The following FBXL19 variants were observed in gnomAD, a reference collection of about 807,000 sequenced individuals.
FBXL19 encodes the protein F-box/LRR-repeat protein 19.
A neutral mutation model predicts 71.2 loss-of-function variants in FBXL19; 16 were observed. The ratio of observed to expected loss-of-function variants is 0.22; its 90% CI spans 0.15 to 0.34. FBXL19 has a LOEUF of 0.34. FBXL19 is among the 10% of genes least tolerant of loss of function. FBXL19 has a pLI of 1.00. For synonymous variants in FBXL19, 447 were observed against 409.4 expected (o/e 1.09, Z -1.11); for missense variants, 658 against 968.2 (o/e 0.68, Z 4.25).
At chr16:30,934,657 CAAAA>C (rs34400730) in intron 7 of FBXL19, among the ~76,000 whole-genome samples, 7 of 148,456 alleles carry the variant, frequency 4.7e-5, no homozygotes, top group Non-Finnish European at 8.9e-5. Context: ...GACCCTGTCT[CAAAA>C]AAAAAAATGT....
chr16:30,927,157 C>T (rs1365210297), intron 2 of FBXL19, 151 bp from the exon 3 acceptor site: 3 of 721,236 alleles, frequency 4.2e-6, no homozygotes, highest in Non-Finnish European at 6.6e-6. Context: ...TGCTTGAGGT[C>T]ACACTCCCAA....
chr16:30,927,465 G>A lies in FBXL19; in HGVS notation c.321+14G>A. On this transcript the variant is annotated intron_variant, in intron 3 of 10. Coordinates refer to ENST00000338343, the MANE Select transcript of FBXL19 (RefSeq NM_001382779.1). ...GGCTGCCTGAAGGTGATGGCCCTGG[G>A]ACCCCGGCGTCTGGGGTGGGGCAGA... 1 of 1,583,814 alleles carries A rather than the reference G, an allele frequency of 6.3e-7. No homozygotes were observed. Among genetic ancestry groups the A allele is most frequent in the South Asian group, 1.2e-5 (1 of 86,600 alleles).
intron 7 of FBXL19, among the ~76,000 whole-genome samples, chr16:30,932,685 G>C (rs1295134541): frequency 6.6e-6 from 1 of 152,108 alleles, no homozygotes; most frequent in Non-Finnish European, 1.5e-5. Flanking sequence ...AGTGCCTGGA[G>C]GGTACTAAAC....
Position 30,942,002 on chromosome 16 carries a change from TGTC to T in FBXL19, c.1302-113_1302-111del. The stretch of plus-strand genomic sequence containing the variant: ...GGTCAGGTGCTTCTTGCTACCCTGT[TGTC>T]TGTGTGGCCAGAAGAGAGCTGGGGT... On this transcript the variant is annotated intron_variant, in intron 7 of 10. Coordinates refer to ENST00000338343, the MANE Select transcript of FBXL19 (RefSeq NM_001382779.1). This position sits in a 1 kb window ranked among gnomAD's most constrained non-coding sequence, Gnocchi z 5.7. 1 of 1,214,046 alleles carries T rather than the reference TGTC, an allele frequency of 8.2e-7. No individual in the cohort carries two copies. Among genetic ancestry groups the T allele is most frequent in the Non-Finnish European group, 1.1e-6 (1 of 912,788 alleles). The allele number at this position is 1,214,046 out of a possible 1,614,324, so 75.2% of individuals were successfully genotyped here. A position where few individuals can be genotyped will look rare whatever the true frequency, so the allele number is the denominator to read the frequency against.
chr16:30,924,809 C>G (rs2055571973), intron 1 of FBXL19: 1 of 1,391,502 alleles, frequency 7.2e-7, no homozygotes, highest in Non-Finnish European at 9.5e-7. Context: ...CTTCTAATTC[C>G]ACATGGGATC....
chr16:30,933,846 G>A (rs1252711183), intron 7 of FBXL19, among the ~76,000 whole-genome samples: 1 of 151,242 alleles, frequency 6.6e-6, no homozygotes, highest in Non-Finnish European at 1.5e-5. Context: ...TCCACCTCCT[G>A]GGTTCAATCA....
At chr16:30,943,015 G>T (rs756246238) in intron 9 of FBXL19, among the ~76,000 whole-genome samples, 1 of 152,172 alleles carries the variant, frequency 6.6e-6, no homozygotes, top group Non-Finnish European at 1.5e-5. Context: ...CTCCTGCCAG[G>T]GTCTCCAGCT....
At chr16:30,935,482 T>C (rs1238788276) in intron 7 of FBXL19, among the ~76,000 whole-genome samples, 1 of 152,010 alleles carries the variant, frequency 6.6e-6, no homozygotes, top group East Asian at 1.9e-4. Context: ...AGGGAAGGCG[T>C]GCAGGGGTTA....
At chr16:30,936,434 CAT>C (rs2055733364) in intron 7 of FBXL19, among the ~76,000 whole-genome samples, 1 of 149,288 alleles carries the variant, frequency 6.7e-6, no homozygotes. Context: ...TTCTGGGCCT[CAT>C]TTTTTTTTTT....
rs1231831121 is a variant in FBXL19, at chr16:30,948,190, G to C, written c.*960G>C. On this transcript the variant is annotated 3_prime_UTR_variant, in exon 11 of 11. Transcript: ENST00000338343. Reference sequence around the variant, plus strand: ...CTGTATTGAGCGGCGGCACCCGCCGGACCCGCATTATGGCTGGGGGCGCCA... The same window carrying C: ...CTGTATTGAGCGGCGGCACCCGCCGCACCCGCATTATGGCTGGGGGCGCCA... 1 of 160,164 alleles carries C rather than the reference G, an allele frequency of 6.2e-6. No individual in the cohort carries two copies. Among genetic ancestry groups the C allele is most frequent in the Non-Finnish European group, 1.4e-5 (1 of 72,488 alleles). 9.9% of individuals were successfully genotyped at this position (160,164 alleles called of 1,614,324 possible).
intron 7 of FBXL19, among the ~76,000 whole-genome samples, chr16:30,937,958 A>T (rs1055476972): frequency 3.9e-5 from 6 of 152,004 alleles, no homozygotes; most frequent in African/African-American, 1.5e-4. Context: ...GATGTCACCG[A>T]TTTTCTTGCT....
chr16:30,924,632 T>C, intron 1 of FBXL19, 173 bp downstream of exon 1: 1 of 1,385,146 alleles, frequency 7.2e-7, no homozygotes. Context: ...CTGGCCCTCC[T>C]TCCTAGACCC....
chr16:30,932,212 T>C (rs1399348178), intron 7 of FBXL19, among the ~76,000 whole-genome samples: 1 of 152,218 alleles, frequency 6.6e-6, no homozygotes, highest in Non-Finnish European at 1.5e-5. Flanking sequence ...AGAGCTCTCA[T>C]TGTAGCCAGT....
At position 30,930,603 on chromosome 16, in the gene FBXL19, C is replaced by A; in HGVS notation, c.1301+19C>A. 1 of 1,415,690 alleles carries A rather than the reference C, an allele frequency of 7.1e-7. No individual in the cohort carries two copies. Among genetic ancestry groups the A allele is most frequent in the South Asian group, 1.6e-5 (1 of 64,466 alleles). The allele number at this position is 1,415,690 out of a possible 1,614,324, so 87.7% of individuals were successfully genotyped here. On this transcript the variant is annotated intron_variant, in intron 7 of 10. Transcript: ENST00000338343. The surrounding 1 kb of genome is among the most constrained non-coding windows in gnomAD (Gnocchi z 8.5). ...GCCGCTGGTGAGTGGCCTGGACAGG[C>A]CTGCGTTCCGTGGCCAGCAGGCTTC... is the stretch of plus-strand genomic sequence containing the variant.
intron 7 of FBXL19, among the ~76,000 whole-genome samples, chr16:30,937,781 T>G (rs1596654794): frequency 6.6e-6 from 1 of 151,900 alleles, no homozygotes; most frequent in Non-Finnish European, 1.5e-5. Flanking sequence ...TGTTGTGGAG[T>G]ATGATACAGA....
chr16:30,946,280 T>A lies in FBXL19; in HGVS notation c.1628-450T>A, dbSNP rs1800506833. Among the ~76,000 whole-genome samples the A allele has an allele frequency of 6.6e-6, 1 of 152,204 alleles. No homozygotes were observed. Among genetic ancestry groups the A allele is most frequent in the Admixed American group, 6.5e-5 (1 of 15,276 alleles). The stretch of plus-strand genomic sequence containing the variant: ...GTGCAGTGGCACAATCGTGGCTCAC[T>A]GCAACCTCCACCTCTCGGGTTCAAG... On this transcript the variant is annotated intron_variant, in intron 9 of 10. Coordinates refer to ENST00000338343, the MANE Select transcript of FBXL19 (RefSeq NM_001382779.1). The surrounding 1 kb of genome is among the most constrained non-coding windows in gnomAD (Gnocchi z 6.7).
Position 30,924,307 on chromosome 16 carries a change from C to G in FBXL19, c.-177C>G, listed in dbSNP as rs1232843075. 5 of 152,808 alleles carry G rather than the reference C, an allele frequency of 3.3e-5. No individual in the cohort carries two copies. Among genetic ancestry groups the G allele is most frequent in the Admixed American group, 2.6e-4 (4 of 15,282 alleles). The allele number at this position is 152,808 out of a possible 1,614,324, so 9.5% of individuals were successfully genotyped here. A position where few individuals can be genotyped will look rare whatever the true frequency, so the allele number is the denominator to read the frequency against. ...CCACTCGCCGCCGTCCCGGCCTCCG[C>G]CGGAGGGAGGGGCCGAGCGCCCTCG... On this transcript the variant is annotated 5_prime_UTR_variant, in exon 1 of 11. Transcript: ENST00000338343.
In FBXL19 at chr16:30,942,113, C is replaced by T; in HGVS notation, c.1302-3C>T. 6.4e-7 allele frequency: 1 copy of T among 1,569,804 alleles called. No individual in the cohort carries two copies. Among genetic ancestry groups the T allele is most frequent in the South Asian group, 1.2e-5 (1 of 86,538 alleles). On this transcript the variant is annotated splice_polypyrimidine_tract_variant and splice_region_variant and intron_variant, in intron 7 of 10. Transcript: ENST00000338343. This position sits in a 1 kb window ranked among gnomAD's most constrained non-coding sequence, Gnocchi z 5.7. ...GTCTCTGTCTCCCCCCTATGGCCGCCAGGTGCTATGACAAGCGTCTGTGGC... is the reference window on the plus strand; with the variant it reads ...GTCTCTGTCTCCCCCCTATGGCCGCTAGGTGCTATGACAAGCGTCTGTGGC...
At position 30,925,685 on chromosome 16, in the gene FBXL19, C is replaced by T. The variant is rs961692718; in HGVS notation, c.-24-46C>T. ...GGGACCTGTCAGGGGTCTCCCAGGC[C>T]AGGGCCCCAGTGGGCCCATCTGACC... On this transcript the variant is annotated intron_variant, in intron 1 of 10. Transcript: ENST00000338343. This position sits in a 1 kb window ranked among gnomAD's most constrained non-coding sequence, Gnocchi z 5.0. 5 of 1,456,060 alleles carry T rather than the reference C, an allele frequency of 3.4e-6. No homozygotes were observed. Among genetic ancestry groups the T allele is most frequent in the Non-Finnish European group, 4.5e-6 (5 of 1,113,366 alleles). The allele number at this position is 1,456,060 out of a possible 1,614,324, so 90.2% of individuals were successfully genotyped here. A position where few individuals can be genotyped will look rare whatever the true frequency, so the allele number is the denominator to read the frequency against.
Sources: gnomAD v4.1 joint callset for allele counts (sites outside exome capture counted in the v4.1 genomes callset) on GRCh38, gnomAD v4.1.1 for gene constraint, Gnocchi (gnomAD v3.1) non-coding constraint, MANE v1.5 for transcripts, NCBI Gene and HGNC (gene_info 2026-07-23, HGNC 2026-07-21) for gene names.